The following ELK4 variants were observed in gnomAD, a reference collection of about 807,000 sequenced individuals.
ELK4 encodes the protein ETS domain-containing protein Elk-4.
A neutral mutation model predicts 29.6 loss-of-function variants in ELK4; 16 were observed. That is an observed-to-expected ratio of 0.54 (90% CI 0.37 to 0.82). The LOEUF is 0.82. Among genes scored for constraint, ELK4 ranks in the 40% least tolerant of loss-of-function variants. The pLI, the probability that ELK4 is intolerant of heterozygous loss-of-function variation, is 0.00. For missense variants in ELK4, 465 were observed against 507.1 expected (o/e 0.92, Z 0.80); for synonymous variants, 213 against 191.1 (o/e 1.11, Z -0.95).
chr1:205,628,910 A>C (rs1318472450), intron 1 of ELK4, among the ~76,000 whole-genome samples: 1 of 151,878 alleles, frequency 6.6e-6, no homozygotes, highest in Non-Finnish European at 1.5e-5. Context: ...GCAGTGGCTC[A>C]CGCCTATAAT....
At chr1:205,619,697 T>C (rs1670296501) in intron 3 of ELK4, 1 of 1,430,874 alleles carries the variant, frequency 7.0e-7, no homozygotes, top group South Asian at 1.6e-5. Context: ...CGAGAGAGTG[T>C]GTGTACTTTC....
rs1670204204 is a variant in ELK4, at chr1:205,614,739, T to C, written c.*1807A>G. 2 of 226,720 alleles carry C rather than the reference T, an allele frequency of 8.8e-6. No homozygotes were observed. Among genetic ancestry groups the C allele is most frequent in the Admixed American group, 5.7e-5 (1 of 17,570 alleles). The allele number at this position is 226,720 out of a possible 1,614,324, so 14.0% of individuals were successfully genotyped here. A position where few individuals can be genotyped will look rare whatever the true frequency, so the allele number is the denominator to read the frequency against. ...GTAAATACCATGCATCTGAAGATGC[T>C]AGTTTGTAACAGTGTCAGTCTGAGC... On this transcript the variant is annotated 3_prime_UTR_variant, in exon 5 of 5. Coordinates refer to ENST00000357992, the MANE Select transcript of ELK4 (RefSeq NM_001973.4).
At chr1:205,629,503 G>C (rs1049831123) in intron 1 of ELK4, among the ~76,000 whole-genome samples, 2 of 152,000 alleles carry the variant, frequency 1.3e-5, no homozygotes, top group Non-Finnish European at 2.9e-5. Context: ...AATCGCTTGA[G>C]GTCAGGGGTT....
At chr1:205,625,679 C>CTTT (rs368266464) in intron 1 of ELK4, 89 of 693,668 alleles carry the variant, frequency 1.3e-4, no homozygotes, top group African/African-American at 2.8e-4. Flanking sequence ...GCTGCTGCTT[C>CTTT]TTTTTTTTTT....
At chr1:205,619,798 T>A (rs1311830683) in intron 3 of ELK4, 168 bp downstream of exon 3, 2 of 1,534,322 alleles carry the variant, frequency 1.3e-6, no homozygotes, top group East Asian at 4.5e-5. Context: ...ATTTTAGCAA[T>A]CCTAATTAAG....
chr1:205,630,084 C>T (rs7416754), intron 1 of ELK4, among the ~76,000 whole-genome samples: 1 of 150,328 alleles, frequency 6.7e-6, no homozygotes, highest in Non-Finnish European at 1.5e-5. Flanking sequence ...ACCTTTTATT[C>T]TTGTTACCTA....
rs1015419718 is a variant in ELK4 at position 205,611,596 on chromosome 1, C to T, written c.*4950G>A. On this transcript the variant is annotated 3_prime_UTR_variant, in exon 5 of 5. Transcript: ENST00000357992. ...GAAAGACAACTATGGCTGACCTCCA[C>T]ACTTCACTTACACTACTATGGACTG... The T allele has an allele frequency of 1.5e-5, 3 of 202,792 alleles. No individual in the cohort carries two copies. Among genetic ancestry groups the T allele is most frequent in the Non-Finnish European group, 3.0e-5 (3 of 98,756 alleles). The allele number at this position is 202,792 out of a possible 1,614,324, so 12.6% of individuals were successfully genotyped here. A position where few individuals can be genotyped will look rare whatever the true frequency, so the allele number is the denominator to read the frequency against.
chr1:205,620,936 C>A (rs1236749814), intron 2 of ELK4, 98 bp from the exon 3 acceptor site: 2 of 1,324,114 alleles, frequency 1.5e-6, no homozygotes, highest in African/African-American at 3.0e-5. Context: ...GTGGCTCATG[C>A]CTGTAATCCC....
Position 205,610,725 on chromosome 1 carries a change from T to C in ELK4, c.*5821A>G, listed in dbSNP as rs1038608128. ...AATTTTTTTAAGTTTTAGTATAAAA[T>C]AGACTAGGAGCCATCAATGTATGTT... is the stretch of plus-strand genomic sequence containing the variant. On this transcript the variant is annotated 3_prime_UTR_variant, in exon 5 of 5. Transcript: ENST00000357992. 6.5e-5 allele frequency: 15 copies of C among 232,062 alleles called. No homozygotes were observed. In the Admixed American group the frequency reaches 7.9e-4, roughly 12 times the overall value. The allele number at this position is 232,062 out of a possible 1,614,324, so 14.4% of individuals were successfully genotyped here.
intron 2 of ELK4, 131 bp downstream of exon 2, chr1:205,623,545 C>T: frequency 2.1e-6 from 2 of 948,192 alleles, no homozygotes; most frequent in Non-Finnish European, 3.3e-6. Flanking sequence ...GAACTCCTGA[C>T]CTCAGGTGAT....
intron 1 of ELK4, 133 bp from the exon 2 acceptor site, chr1:205,624,024 C>T (rs1353248685): frequency 1.3e-5 from 10 of 787,276 alleles, no homozygotes; most frequent in Non-Finnish European, 2.0e-5. Flanking sequence ...GATACTACTG[C>T]ATCCTCATTT....
At chr1:205,625,058 C>A (rs994035098) in intron 1 of ELK4, among the ~76,000 whole-genome samples, 1 of 151,966 alleles carries the variant, frequency 6.6e-6, no homozygotes, top group Non-Finnish European at 1.5e-5. Flanking sequence ...AAAAAACCTT[C>A]CTTTCTCTAG....
chr1:205,619,160 ATATTGCCC>A, intron 3 of ELK4, 87 bp from the exon 4 acceptor site: 1 of 1,237,130 alleles, frequency 8.1e-7, no homozygotes, highest in Non-Finnish European at 1.1e-6. Context: ...CCAAACCTAA[ATATTGCCC>A]TATCCTCCAC....
chr1:205,627,555 T>A (rs1443910228), intron 1 of ELK4, among the ~76,000 whole-genome samples: 1 of 151,928 alleles, frequency 6.6e-6, no homozygotes, highest in Non-Finnish European at 1.5e-5. Context: ...ATTGTGTTCA[T>A]GCTTGCACAA....
rs1289955643 is a variant in ELK4 at position 205,620,497 on chromosome 1, C to T, written c.549G>A (p.Glu183=). Residue 183 remains glutamate, a synonymous_variant, in exon 3 of 5, where the codon GAG becomes GAA. Transcript: ENST00000357992. ...CAAATTTGATGACAGATGGTGTGGG[C>T]TCCTGAGGAGATTTTTTCTCTGCCA... The part of the protein sequence containing the change: ...EKLAEKKSPQ[E]PTPSVIKFVT... The T allele has an allele frequency of 1.2e-6, 2 of 1,614,128 alleles. No individual in the cohort carries two copies. Among genetic ancestry groups the T allele is most frequent in the Non-Finnish European group, 8.5e-7 (1 of 1,180,026 alleles).
At position 205,620,011 on chromosome 1, in the gene ELK4, G is replaced by A. The variant is rs369115363; in HGVS notation, c.1035C>T (p.Ser345=). The A allele has an allele frequency of 7.0e-4, 1,125 of 1,614,254 alleles. 12 individuals are homozygous for A. The South Asian group carries it at 0.012, about 17-fold the overall frequency. The change falls in exon 3 of 5, where the codon AGC becomes AGT. Residue 345 remains serine (S), a synonymous_variant. Coordinates refer to ENST00000357992, the MANE Select transcript of ELK4 (RefSeq NM_001973.4). ...TAAGAGAAGCTGTAGGGAGAGATGG[G>A]CTCAGTATTCCCAGTGGGCTTGGAT... ...SSDPSPLGIL[S]PSLPTASLTP... is the part of the protein sequence containing the mutation.
intron 4 of ELK4, among the ~76,000 whole-genome samples, chr1:205,618,196 A>G (rs1670269059): frequency 6.6e-6 from 1 of 151,654 alleles, no homozygotes; most frequent in Admixed American, 6.6e-5. Flanking sequence ...GCCTAACTTA[A>G]TTTTTTTTAT....
intron 4 of ELK4, among the ~76,000 whole-genome samples, chr1:205,617,654 C>A (rs1459767393): frequency 3.3e-5 from 5 of 151,760 alleles, no homozygotes; most frequent in Non-Finnish European, 7.4e-5. Context: ...GTAATCCCAG[C>A]ACTTCGGGAG....
rs1678197479 is a variant in ELK4, at chr1:205,612,418, C to A, written c.*4128G>T. ...GAATTACTTTTTATGCCATCCTTCACTTCAATTTTTGTGTATTTTTTTATA... is the reference window on the plus strand; with the variant it reads ...GAATTACTTTTTATGCCATCCTTCAATTCAATTTTTGTGTATTTTTTTATA... On this transcript the variant is annotated 3_prime_UTR_variant, in exon 5 of 5. Transcript: ENST00000357992. 4.6e-6 allele frequency: 1 copy of A among 217,916 alleles called. No individual in the cohort carries two copies. 13.5% of individuals were successfully genotyped at this position (217,916 alleles called of 1,614,324 possible).
Sources: gnomAD v4.1 joint callset for allele counts (sites outside exome capture counted in the v4.1 genomes callset) on GRCh38, gnomAD v4.1.1 for gene constraint, MANE v1.5 for transcripts, NCBI Gene and HGNC (gene_info 2026-07-23, HGNC 2026-07-21) for gene names.